NTM: variants seen among roughly 807,000 people sequenced by gnomAD.
The protein encoded by NTM is IgLON family member 2.
A neutral mutation model predicts 42.1 loss-of-function variants in NTM; 13 were observed. That is an observed-to-expected ratio of 0.31 (90% CI 0.20 to 0.49). The LOEUF (loss-of-function observed/expected upper bound fraction) is 0.49. Ranked by LOEUF, NTM falls within the 20% of genes least tolerant of loss-of-function variation. The probability of loss-of-function intolerance (pLI) is 0.99; values close to 1 mark genes in which losing one functional copy is unlikely to be tolerated. For missense variants in NTM, 373 were observed against 452.8 expected (o/e 0.82, Z 1.60); for synonymous variants, 187 against 179.2 (o/e 1.04, Z -0.35).
intron 3 of NTM, among the ~76,000 whole-genome samples, chr11:132,194,460 C>A (rs1341715048): frequency 6.6e-6 from 1 of 152,090 alleles, no homozygotes; most frequent in East Asian, 1.9e-4. Context: ...ATCAAAGGAA[C>A]ATGCCTCAAA....
intron 3 of NTM, among the ~76,000 whole-genome samples, chr11:132,191,299 G>A (rs1230552000): frequency 6.6e-6 from 1 of 152,198 alleles, no homozygotes; most frequent in Admixed American, 6.5e-5. Flanking sequence ...TGATCTGGGA[G>A]CACCTCGCTC....
intron 2 of NTM, among the ~76,000 whole-genome samples, chr11:132,044,050 ATGTGTGTATG>A (rs1473177361): frequency 3.1e-5 from 4 of 131,088 alleles, no homozygotes; most frequent in Admixed American, 7.8e-5. Context: ...GTGTATGGGT[ATGTGTGTATG>A]TGTGTGTATG....
chr11:132,268,720 TA>T (rs2093342200), intron 4 of NTM, among the ~76,000 whole-genome samples: 2 of 151,438 alleles, frequency 1.3e-5, no homozygotes, highest in African/African-American at 2.4e-5. Context: ...GCGTTAAATT[TA>T]GGATAATTTT....
chr11:132,216,990 T>A (rs2083984582), intron 4 of NTM, among the ~76,000 whole-genome samples: 1 of 152,218 alleles, frequency 6.6e-6, no homozygotes, highest in Non-Finnish European at 1.5e-5. Flanking sequence ...TTTTCAAGTT[T>A]CCTTTTGCAA....
intron 1 of NTM, among the ~76,000 whole-genome samples, chr11:131,774,479 C>A (rs1389040160): frequency 6.6e-6 from 1 of 152,178 alleles, no homozygotes; most frequent in Non-Finnish European, 1.5e-5. Flanking sequence ...TGTTTTCTTT[C>A]TGAAATAGTC....
chr11:131,645,510 C>T (rs75222731), intron 1 of NTM, among the ~76,000 whole-genome samples: 4,531 of 152,236 alleles, frequency 0.03, 248 homozygotes, highest in African/African-American at 0.1. Context: ...GGGTATTAAA[C>T]CAAACCACAG....
At chr11:131,371,601 G>A (rs1170462900) in intron 1 of NTM, among the ~76,000 whole-genome samples, 1 of 152,164 alleles carries the variant, frequency 6.6e-6, no homozygotes, top group African/African-American at 2.4e-5. Context: ...CGGCTGAGCC[G>A]GGAGCCCTGG....
chr11:131,453,871 C>A (rs1195246971), intron 1 of NTM, among the ~76,000 whole-genome samples: 1 of 152,178 alleles, frequency 6.6e-6, no homozygotes, highest in African/African-American at 2.4e-5. Flanking sequence ...GGCTGAAGAG[C>A]CTTTAGGTGT....
At chr11:132,018,526 A>G (rs1263924655) in intron 2 of NTM, among the ~76,000 whole-genome samples, 4 of 151,964 alleles carry the variant, frequency 2.6e-5, no homozygotes, top group African/African-American at 7.2e-5. Context: ...ACTATATTTC[A>G]TTAATTGATT....
intron 4 of NTM, among the ~76,000 whole-genome samples, chr11:132,272,077 T>C (rs563374050): frequency 3.9e-5 from 6 of 152,262 alleles, no homozygotes; most frequent in East Asian, 3.9e-4. Flanking sequence ...TACAACTTTA[T>C]TCTTTTGCAT....
chr11:131,389,370 C>T (rs1480096426), intron 1 of NTM, among the ~76,000 whole-genome samples: 1 of 152,188 alleles, frequency 6.6e-6, no homozygotes, highest in Non-Finnish European at 1.5e-5. Context: ...TTTGCCGGTG[C>T]CCAGAATATC....
intron 1 of NTM, among the ~76,000 whole-genome samples, chr11:131,568,504 G>A (rs549593063): frequency 2.0e-4 from 30 of 152,276 alleles, no homozygotes; most frequent in Middle Eastern, 3.4e-3. Context: ...CTCATATGAC[G>A]TCATAGCAAC....
intron 1 of NTM, chr11:131,534,421 G>A (rs1004864093): frequency 3.9e-5 from 6 of 152,214 alleles, no homozygotes; most frequent in Non-Finnish European, 7.3e-5. Flanking sequence ...TTAGAATTAA[G>A]TTTTAGTTAT....
intron 1 of NTM, among the ~76,000 whole-genome samples, chr11:131,544,022 C>T (rs1158084170): frequency 6.6e-6 from 1 of 152,130 alleles, no homozygotes; most frequent in East Asian, 1.9e-4. Context: ...GATGTCTTGC[C>T]TCCTCAAGGC....
intron 2 of NTM, among the ~76,000 whole-genome samples, chr11:132,106,138 A>G (rs943615211): frequency 6.6e-6 from 1 of 152,216 alleles, no homozygotes; most frequent in African/African-American, 2.4e-5. Context: ...ATCCCACATA[A>G]TATTGCTTGA....
intron 3 of NTM, among the ~76,000 whole-genome samples, chr11:132,176,746 T>TTTTTTTTG (rs869080134): frequency 8.1e-5 from 12 of 148,142 alleles, no homozygotes; most frequent in Non-Finnish European, 8.9e-5. Flanking sequence ...TTTTTTTTTT[T>TTTTTTTTG]AGACAGAGTC....
At chr11:132,013,480 A>G (rs532099845) in intron 2 of NTM, among the ~76,000 whole-genome samples, 26 of 152,192 alleles carry the variant, frequency 1.7e-4, no homozygotes, top group African/African-American at 4.8e-4. Flanking sequence ...CAGTTAAAAG[A>G]GGTAGCTAGT....
intron 1 of NTM, among the ~76,000 whole-genome samples, chr11:131,426,699 C>T (rs1948167543): frequency 6.6e-6 from 1 of 152,118 alleles, no homozygotes; most frequent in Non-Finnish European, 1.5e-5. Flanking sequence ...CTGTCAGAGC[C>T]CGAACTTCTG....
intron 3 of NTM, among the ~76,000 whole-genome samples, chr11:132,194,931 T>A (rs1168473626): frequency 6.6e-6 from 1 of 151,550 alleles, no homozygotes; most frequent in African/African-American, 2.4e-5. Context: ...CAAGTGATTC[T>A]TGTACCTCAA....
Sources: gnomAD v4.1 joint callset for allele counts (sites outside exome capture counted in the v4.1 genomes callset) on GRCh38, gnomAD v4.1.1 for gene constraint, MANE v1.5 for transcripts, NCBI Gene and HGNC (gene_info 2026-07-23, HGNC 2026-07-21) for gene names.